The following VIT variants were observed in gnomAD, a reference collection of about 807,000 sequenced individuals.
VIT encodes the protein vitrin.
A neutral mutation model predicts 78.0 loss-of-function variants in VIT; 99 were observed. The ratio of observed to expected loss-of-function variants is 1.27; its 90% confidence interval spans 1.08 to 1.50. VIT has a LOEUF of 1.50. Among genes scored for constraint, VIT ranks in the 40% most tolerant of loss-of-function variants. The pLI is 0.00. For missense variants in VIT, 1,126 were observed against 875.3 expected (o/e 1.29, Z -3.61); for synonymous variants, 374 against 334.3 (o/e 1.12, Z -1.29).
At chr2:36,716,838 G>A (rs1489156508) in intron 2 of VIT, among the ~76,000 whole-genome samples, 1 of 147,006 alleles carries the variant, frequency 6.8e-6, no homozygotes, top group Non-Finnish European at 1.5e-5. Context: ...TCTACCTATA[G>A]CATTAGCAAC....
At position 36,759,020 on chromosome 2, in the gene VIT, C is replaced by T; in HGVS notation, c.461C>T (p.Ser154Leu). 1 of 1,614,042 alleles carries T rather than the reference C, an allele frequency of 6.2e-7. No homozygotes were observed. The highest frequency in any genetic ancestry group is 1.1e-5 in the South Asian group (1 of 91,076). The change falls in exon 6 of 16, where the codon TCA becomes TTA. Residue 154 changes from serine to leucine, a missense_variant. Transcript: ENST00000379242. ...VTYPSALTYS[S>L]SKSPAAQAGE... ...TACCCATCAGCTCTTACATACTCAT[C>T]ATCGAAAAGTCCAGCTGCCCAAGCA...
At chr2:36,806,455 A>G (rs953776359) in intron 14 of VIT, among the ~76,000 whole-genome samples, 1 of 149,244 alleles carries the variant, frequency 6.7e-6, no homozygotes, top group Non-Finnish European at 1.5e-5. Context: ...CCTTTTTTCT[A>G]CCCTCAATGT....
At chr2:36,791,735 G>A (rs1665517523) in intron 12 of VIT, among the ~76,000 whole-genome samples, 1 of 152,182 alleles carries the variant, frequency 6.6e-6, no homozygotes, top group Admixed American at 6.5e-5. Flanking sequence ...ATTCTCCCTG[G>A]AGCCTCTAGA....
intron 2 of VIT, among the ~76,000 whole-genome samples, chr2:36,725,561 C>T (rs76003706): frequency 0.033 from 3,965 of 119,204 alleles, 217 homozygotes; most frequent in African/African-American, 0.12. Context: ...TATCATCACA[C>T]TGGGGGTTAG....
chr2:36,790,019 A>G (rs1345694887), intron 12 of VIT, among the ~76,000 whole-genome samples: 1 of 152,254 alleles, frequency 6.6e-6, no homozygotes, highest in Non-Finnish European at 1.5e-5. Flanking sequence ...GAGCTGAGTC[A>G]GAATTTAGAC....
intron 5 of VIT, among the ~76,000 whole-genome samples, chr2:36,757,713 A>T (rs1199011865): frequency 1.3e-5 from 2 of 152,212 alleles, no homozygotes; most frequent in Non-Finnish European, 2.9e-5. Flanking sequence ...CACCAGAAGA[A>T]ATTTTTGCAT....
chr2:36,702,272 G>C (rs1442644769), intron 1 of VIT, among the ~76,000 whole-genome samples: 1 of 152,098 alleles, frequency 6.6e-6, no homozygotes, highest in African/African-American at 2.4e-5. Context: ...GGTGCGCTTT[G>C]GACAAGCAGA....
At chr2:36,770,274 A>G (rs556546032) in intron 7 of VIT, among the ~76,000 whole-genome samples, 42 of 152,358 alleles carry the variant, frequency 2.8e-4, no homozygotes, top group African/African-American at 9.6e-4. Flanking sequence ...AAGGGTATGT[A>G]GCCAAAACAG....
chr2:36,799,545 T>C (rs1287694714), intron 12 of VIT, among the ~76,000 whole-genome samples: 1 of 152,026 alleles, frequency 6.6e-6, no homozygotes, highest in Non-Finnish European at 1.5e-5. Context: ...TAGCAAGACC[T>C]TGTCTTTACA....
intron 5 of VIT, among the ~76,000 whole-genome samples, chr2:36,756,141 G>C (rs1668751632): frequency 6.6e-6 from 1 of 151,676 alleles, no homozygotes; most frequent in Admixed American, 6.6e-5. Context: ...TATTTTTAGT[G>C]CAGACGGGGT....
chr2:36,771,184 G>A (rs1234920081), intron 7 of VIT, among the ~76,000 whole-genome samples: 1 of 151,894 alleles, frequency 6.6e-6, no homozygotes, highest in Non-Finnish European at 1.5e-5. Context: ...GCCATAACCA[G>A]GCAAGCCACA....
In VIT at chr2:36,814,332, A is replaced by G. The variant is rs1202919660; in HGVS notation, c.2053A>G (p.Thr685Ala). 6.2e-6 allele frequency: 10 copies of G among 1,614,212 alleles called. No individual in the cohort carries two copies. The highest frequency in any genetic ancestry group is 2.2e-5 in the East Asian group (1 of 44,886). ...YVPRIIQNIC[T>A]EFNSQPRN Reference sequence around the variant, plus strand: ...CCCCAGGATCATCCAGAACATTTGTACAGAGTTCAACTCACAGCCTCGGAA... The same window carrying G: ...CCCCAGGATCATCCAGAACATTTGTGCAGAGTTCAACTCACAGCCTCGGAA... Residue 685 changes from threonine (T) to alanine (A), a missense_variant, in exon 16 of 16, where the codon ACA becomes GCA. Thr to Ala is a moderately conservative substitution (Grantham distance 58). Coordinates refer to ENST00000379242, the MANE Select transcript of VIT (RefSeq NM_053276.4).
chr2:36,767,225 G>A lies in VIT; in HGVS notation c.619G>A (p.Ala207Thr). Residue 207 changes from alanine (A) to threonine (T), a missense_variant, in exon 7 of 16, where the codon GCT becomes ACT. Coordinates refer to ENST00000379242, the MANE Select transcript of VIT (RefSeq NM_053276.4). ...PTTLPRPSPS[A>T]ASTTSIPRPQ... Reference sequence around the variant, plus strand: ...CACCTTGCCAAGGCCATCCCCTTCTGCTGCTTCTACCACCAGCATCCCCAG... The same window carrying A: ...CACCTTGCCAAGGCCATCCCCTTCTACTGCTTCTACCACCAGCATCCCCAG... The A allele has an allele frequency of 6.2e-7, 1 of 1,604,996 alleles. No individual in the cohort carries two copies. The highest frequency in any genetic ancestry group is 8.5e-7 in the Non-Finnish European group (1 of 1,176,154).
At chr2:36,799,230 G>A (rs1019360414) in intron 12 of VIT, among the ~76,000 whole-genome samples, 3 of 152,168 alleles carry the variant, frequency 2.0e-5, no homozygotes, top group Non-Finnish European at 2.9e-5. Context: ...AGGAAGCGGG[G>A]AGGCAGACAC....
At position 36,767,170 on chromosome 2, in the gene VIT, G is replaced by A; in HGVS notation, c.564G>A (p.Leu188=). The A allele has an allele frequency of 6.2e-7, 1 of 1,611,550 alleles. No individual in the cohort carries two copies. The highest frequency in any genetic ancestry group is 8.5e-7 in the Non-Finnish European group (1 of 1,179,080). Residue 188 remains leucine (L), a synonymous_variant, in exon 7 of 16, where the codon CTG becomes CTA. Transcript: ENST00000379242. ...AGCCGGTCACTCTGATGCAGCTTCTGGCTGTCACTGTAGCTGTGGCCACCC... is the reference window on the plus strand; with the variant it reads ...AGCCGGTCACTCTGATGCAGCTTCTAGCTGTCACTGTAGCTGTGGCCACCC... The part of the protein sequence containing the change: ...TAQPVTLMQL[L]AVTVAVATPT...
chr2:36,801,875 C>A (rs1666357907), intron 13 of VIT, among the ~76,000 whole-genome samples: 1 of 152,080 alleles, frequency 6.6e-6, no homozygotes, highest in Non-Finnish European at 1.5e-5. Context: ...AACACACACA[C>A]ACTGTACAGT....
intron 2 of VIT, among the ~76,000 whole-genome samples, chr2:36,717,513 G>A (rs1558510905): frequency 1.3e-5 from 2 of 151,958 alleles, no homozygotes; most frequent in African/African-American, 2.4e-5. Context: ...TGGGATTACA[G>A]GCATGAGCCA....
At chr2:36,750,059 A>G (rs548106633) in intron 4 of VIT, among the ~76,000 whole-genome samples, 1 of 152,254 alleles carries the variant, frequency 6.6e-6, no homozygotes, top group African/African-American at 2.4e-5. Flanking sequence ...CAAAAGCTCT[A>G]TTAAGGATAA....
At chr2:36,759,920 CAGAGA>C (rs1324209469) in intron 6 of VIT, among the ~76,000 whole-genome samples, 1 of 152,160 alleles carries the variant, frequency 6.6e-6, no homozygotes, top group Non-Finnish European at 1.5e-5. Context: ...AAATGAAGCA[CAGAGA>C]AGTTAAGTAA....
Sources: allele counts gnomAD v4.1 joint callset (sites outside exome capture counted in the v4.1 genomes callset), GRCh38; gene constraint gnomAD v4.1.1; transcripts MANE v1.5; gene names NCBI Gene and HGNC (gene_info 2026-07-23, HGNC 2026-07-21).